The following MRAP2 variants were observed in gnomAD, a reference collection of about 807,000 sequenced individuals.
MRAP2 encodes the protein melanocortin 2 receptor accessory protein 2, also known as melanocortin-2 receptor accessory protein 2.
MRAP2 carries 20 observed loss-of-function variants against 17.4 expected under a neutral mutation model. The ratio of observed to expected loss-of-function variants is 1.15; its 90% CI spans 0.81 to 1.67. MRAP2 has a LOEUF of 1.67. Ranked by LOEUF, MRAP2 falls within the 40% of genes most tolerant of loss-of-function variation. The pLI is 0.00. For missense variants in MRAP2, 238 were observed against 240.0 expected, an observed-to-expected ratio of 0.99 and a Z score of 0.05; for synonymous variants, 96 against 88.4, an observed-to-expected ratio of 1.09 and a Z score of -0.48.
At chr6:84,076,848 G>A (rs1206485158) in intron 3 of MRAP2, among the ~76,000 whole-genome samples, 1 of 152,132 alleles carries the variant, frequency 6.6e-6, no homozygotes, top group Non-Finnish European at 1.5e-5. Context: ...AATTGCTAGT[G>A]GAATAATCCA....
chr6:84,097,816 T>C, the MRAP2 span, among the ~76,000 whole-genome samples: 1 of 152,158 alleles, frequency 6.6e-6, no homozygotes, highest in African/African-American at 2.4e-5. Context: ...ATATGAAAAA[T>C]CCATTGATAC....
intron 3 of MRAP2, among the ~76,000 whole-genome samples, chr6:84,077,561 GTCT>G (rs1439891947): frequency 1.3e-5 from 2 of 152,152 alleles, no homozygotes; most frequent in Admixed American, 1.3e-4. Context: ...ATATACTTAG[GTCT>G]TCTTCAATTT....
intron 2 of MRAP2, chr6:84,061,944 T>A (rs2099493282): frequency 2.0e-6 from 2 of 985,306 alleles, no homozygotes; most frequent in Admixed American, 1.2e-4. Context: ...AGGGCTGTGA[T>A]TAAAGCAGGT....
chr6:84,111,389 T>C, the MRAP2 span, among the ~76,000 whole-genome samples: 1 of 149,234 alleles, frequency 6.7e-6, no homozygotes, highest in East Asian at 1.9e-4. Flanking sequence ...AGTTCACTCA[T>C]GATTTGGCTC....
intron 1 of MRAP2, among the ~76,000 whole-genome samples, chr6:84,034,507 C>CCGCCCCG (rs1178732669): frequency 4.8e-5 from 7 of 144,498 alleles, no homozygotes; most frequent in African/African-American, 1.1e-4. Flanking sequence ...CTCCCCCCGC[C>CCGCCCCG]CGCCCCGCGC....
chr6:84,051,688 A>T (rs997683789), intron 1 of MRAP2, among the ~76,000 whole-genome samples: 2 of 152,196 alleles, frequency 1.3e-5, no homozygotes, highest in Non-Finnish European at 1.5e-5. Context: ...ATACCATCGC[A>T]TTCCTACCTG....
At chr6:84,076,979 C>G (rs1164466857) in intron 3 of MRAP2, among the ~76,000 whole-genome samples, 2 of 152,184 alleles carry the variant, frequency 1.3e-5, no homozygotes, top group Non-Finnish European at 2.9e-5. Flanking sequence ...AGCTGTGCCT[C>G]TCATAGGAAT....
the MRAP2 span, among the ~76,000 whole-genome samples, chr6:84,142,550 T>C: frequency 6.6e-6 from 1 of 152,162 alleles, no homozygotes; most frequent in South Asian, 2.1e-4. Context: ...CTCAGAAGTA[T>C]AGAAACTAAC....
At chr6:84,123,253 CAAAAA>C in the MRAP2 span, among the ~76,000 whole-genome samples, 1 of 119,442 alleles carries the variant, frequency 8.4e-6, no homozygotes, top group Admixed American at 8.4e-5. Flanking sequence ...CGCCCAACTC[CAAAAA>C]AAAAAAAAAA....
the MRAP2 span, among the ~76,000 whole-genome samples, chr6:84,102,733 G>A: frequency 6.6e-6 from 1 of 152,130 alleles, no homozygotes; most frequent in Non-Finnish European, 1.5e-5. Flanking sequence ...GTTATGGAGT[G>A]TGGATAGGAA....
the MRAP2 span, among the ~76,000 whole-genome samples, chr6:84,133,506 G>A: frequency 1.3e-5 from 2 of 152,110 alleles, no homozygotes; most frequent in Admixed American, 6.5e-5. Context: ...GTTGCGGTGG[G>A]CTCCACCCAG....
intron 1 of MRAP2, among the ~76,000 whole-genome samples, chr6:84,042,007 G>T (rs548914662): frequency 6.6e-6 from 1 of 152,172 alleles, no homozygotes; most frequent in African/African-American, 2.4e-5. Context: ...GTCCCCACCC[G>T]TCTCATCTTG....
the MRAP2 span, among the ~76,000 whole-genome samples, chr6:84,136,870 G>A: frequency 2.0e-5 from 3 of 152,180 alleles, no homozygotes; most frequent in South Asian, 6.2e-4. Flanking sequence ...TTCTGTGTCT[G>A]TTCTCCCCTT....
At chr6:84,133,297 AC>A in the MRAP2 span, among the ~76,000 whole-genome samples, 1 of 152,060 alleles carries the variant, frequency 6.6e-6, no homozygotes, top group Non-Finnish European at 1.5e-5. Context: ...CAGTTAGGCT[AC>A]TCAAGTGTCA....
At chr6:84,037,693 A>G (rs1460154457) in intron 1 of MRAP2, among the ~76,000 whole-genome samples, 1 of 151,936 alleles carries the variant, frequency 6.6e-6, no homozygotes, top group Non-Finnish European at 1.5e-5. Context: ...GTGCTGGGGG[A>G]CCTGGCGCCC....
chr6:84,057,896 T>C (rs575424828), intron 2 of MRAP2, among the ~76,000 whole-genome samples: 22 of 152,052 alleles, frequency 1.4e-4, no homozygotes, highest in Non-Finnish European at 2.8e-4. Context: ...ATAAAAGACC[T>C]GAAGGAAGTG....
At chr6:84,113,253 C>T in the MRAP2 span, among the ~76,000 whole-genome samples, 1 of 152,196 alleles carries the variant, frequency 6.6e-6, no homozygotes, top group South Asian at 2.1e-4. Flanking sequence ...TCAGAACTTG[C>T]TTTATGAATC....
chr6:84,133,692 C>T, the MRAP2 span, among the ~76,000 whole-genome samples: 98 of 152,276 alleles, frequency 6.4e-4, no homozygotes, highest in African/African-American at 2.2e-3. Context: ...TCCTGGTGTG[C>T]TGTTTGCTAA....
At chr6:84,120,481 TG>T in the MRAP2 span, among the ~76,000 whole-genome samples, 1 of 152,228 alleles carries the variant, frequency 6.6e-6, no homozygotes, top group Non-Finnish European at 1.5e-5. Flanking sequence ...GTTCTCATCC[TG>T]GCCCCTAAGT....
Sources: allele counts gnomAD v4.1 joint callset (sites outside exome capture counted in the v4.1 genomes callset), GRCh38; gene constraint gnomAD v4.1.1; transcripts MANE v1.5; gene names NCBI Gene and HGNC (gene_info 2026-07-23, HGNC 2026-07-21).